IMMP2L: variants seen among roughly 807,000 people sequenced by gnomAD.
IMMP2L encodes the protein inner mitochondrial membrane peptidase subunit 2, also known as mitochondrial inner membrane protease subunit 2.
A neutral mutation model predicts 19.3 loss-of-function variants in IMMP2L; 18 were observed. The ratio of observed to expected loss-of-function variants is 0.93; its 90% confidence interval spans 0.64 to 1.38. The LOEUF is 1.38. Ranked by LOEUF, IMMP2L falls within the 40% of genes most tolerant of loss-of-function variation. IMMP2L has a pLI of 0.00. For missense variants in IMMP2L, 233 were observed against 218.2 expected (o/e 1.07, Z -0.43); for synonymous variants, 76 against 73.0 (o/e 1.04, Z -0.21).
chr7:110,817,461 G>C (rs1380207369), intron 5 of IMMP2L, among the ~76,000 whole-genome samples: 2 of 152,086 alleles, frequency 1.3e-5, no homozygotes, highest in Non-Finnish European at 2.9e-5. Flanking sequence ...TGAAATAAAA[G>C]AGGATACAAA....
At chr7:111,164,951 T>C (rs184834306) in intron 3 of IMMP2L, among the ~76,000 whole-genome samples, 51 of 152,194 alleles carry the variant, frequency 3.4e-4, no homozygotes, top group Admixed American at 3.1e-3. Context: ...TATATTTAAG[T>C]GTAGCATTCA....
At chr7:111,483,161 T>G (rs1006199512) in intron 3 of IMMP2L, among the ~76,000 whole-genome samples, 5 of 152,166 alleles carry the variant, frequency 3.3e-5, no homozygotes, top group Admixed American at 1.3e-4. Context: ...AGGGGATTTG[T>G]GGGAACTCTC....
chr7:111,509,486 G>A (rs1296536533), intron 2 of IMMP2L, among the ~76,000 whole-genome samples: 1 of 152,138 alleles, frequency 6.6e-6, no homozygotes, highest in Non-Finnish European at 1.5e-5. Context: ...TCTCACCCTT[G>A]TAAGCTTCCC....
chr7:111,038,516 TG>T (rs1428958160), intron 3 of IMMP2L, among the ~76,000 whole-genome samples: 2 of 152,170 alleles, frequency 1.3e-5, no homozygotes, highest in Non-Finnish European at 2.9e-5. Context: ...ACTATGATCC[TG>T]AACGGTATGC....
In IMMP2L at chr7:111,497,325, T is replaced by C. The variant is rs568645441; in HGVS notation, c.136-9984A>G. On this transcript the variant is annotated intron_variant, in intron 2 of 5. Coordinates refer to ENST00000405709, the MANE Select transcript of IMMP2L (RefSeq NM_032549.4). ...TTGGACATATGTGCAAAGGAACATA[T>C]ACAAAGATATTCATAATACATTATT... Among the ~76,000 whole-genome samples, 7 of 152,286 alleles carry C rather than the reference T, an allele frequency of 4.6e-5. No homozygotes were observed. The South Asian group carries it at 6.2e-4, about 14-fold the overall frequency.
At chr7:110,725,123 A>G (rs1056541405) in intron 5 of IMMP2L, among the ~76,000 whole-genome samples, 1 of 152,148 alleles carries the variant, frequency 6.6e-6, no homozygotes, top group Admixed American at 6.6e-5. Context: ...TGGGAACTAC[A>G]CTGATTATGC....
chr7:111,320,708 G>A (rs1262282495), intron 3 of IMMP2L, among the ~76,000 whole-genome samples: 1 of 151,972 alleles, frequency 6.6e-6, no homozygotes, highest in Non-Finnish European at 1.5e-5. Flanking sequence ...TCCTCATCCA[G>A]AACACTAAAG....
intron 3 of IMMP2L, among the ~76,000 whole-genome samples, chr7:111,236,213 A>C (rs568271494): frequency 6.6e-6 from 1 of 152,136 alleles, no homozygotes; most frequent in Non-Finnish European, 1.5e-5. Context: ...TTGCATTAAA[A>C]GTAATATTTT....
chr7:110,718,633 T>C (rs369478181), intron 5 of IMMP2L, among the ~76,000 whole-genome samples: 5 of 151,992 alleles, frequency 3.3e-5, no homozygotes, highest in African/African-American at 1.2e-4. Flanking sequence ...ATCGTTTAAG[T>C]TGGTGGAGAT....
chr7:110,700,561 C>T lies in IMMP2L; in HGVS notation c.409-36840G>A, dbSNP rs549588209. On this transcript the variant is annotated intron_variant, in intron 5 of 5. Coordinates refer to ENST00000405709, the MANE Select transcript of IMMP2L (RefSeq NM_032549.4). ...AGCCAGGTCTCCTGGTCAATAACCT[C>T]CTGCCAGCCTAGATTCCCCAAAATA... 2.0e-5 allele frequency among the ~76,000 whole-genome samples: 3 copies of T among 152,326 alleles called. No homozygotes were observed. In the South Asian group the frequency reaches 6.2e-4, roughly 32 times the overall value.
intron 3 of IMMP2L, among the ~76,000 whole-genome samples, chr7:111,275,662 T>C (rs1562996153): frequency 1.3e-5 from 2 of 152,210 alleles, no homozygotes; most frequent in Admixed American, 6.5e-5. Context: ...ATGATAATGA[T>C]TCTTCCAATC....
At chr7:111,162,924 C>T (rs535590518) in intron 3 of IMMP2L, among the ~76,000 whole-genome samples, 3 of 152,186 alleles carry the variant, frequency 2.0e-5, no homozygotes, top group South Asian at 4.2e-4. Context: ...ATGACCCCAT[C>T]CCACCTTAGA....
intron 3 of IMMP2L, among the ~76,000 whole-genome samples, chr7:111,168,084 C>T (rs1806030461): frequency 6.6e-6 from 1 of 151,810 alleles, no homozygotes; most frequent in Admixed American, 6.6e-5. Context: ...TCATTAAGGT[C>T]TATAGAACAC....
intron 5 of IMMP2L, among the ~76,000 whole-genome samples, chr7:110,697,839 A>T (rs1291418438): frequency 5.9e-5 from 9 of 152,188 alleles, no homozygotes; most frequent in African/African-American, 9.7e-5. Flanking sequence ...TTATCTCAAA[A>T]GAATAAGCTA....
chr7:110,761,952 A>C (rs2130971975), intron 5 of IMMP2L, among the ~76,000 whole-genome samples: 1 of 152,262 alleles, frequency 6.6e-6, no homozygotes, highest in Non-Finnish European at 1.5e-5. Flanking sequence ...CCTGGTCAAC[A>C]CGGGGTCCGT....
intron 3 of IMMP2L, among the ~76,000 whole-genome samples, chr7:110,984,166 T>A (rs1821607956): frequency 6.6e-6 from 1 of 151,980 alleles, no homozygotes; most frequent in African/African-American, 2.4e-5. Context: ...TGGTCCCATA[T>A]ACTCTGACAC....
At chr7:110,960,603 G>A (rs1269212106) in intron 4 of IMMP2L, among the ~76,000 whole-genome samples, 2 of 151,662 alleles carry the variant, frequency 1.3e-5, no homozygotes. Flanking sequence ...TATATCAAAT[G>A]GCTTTCTAAA....
chr7:111,550,825 T>C (rs183082193), intron 1 of IMMP2L, among the ~76,000 whole-genome samples: 23 of 152,180 alleles, frequency 1.5e-4, no homozygotes, highest in Non-Finnish European at 2.4e-4. Context: ...CTAATGGTCA[T>C]CAGTATACTG....
At chr7:110,788,062 T>A (rs376400493) in intron 5 of IMMP2L, among the ~76,000 whole-genome samples, 1 of 151,896 alleles carries the variant, frequency 6.6e-6, no homozygotes, top group African/African-American at 2.4e-5. Context: ...ACTTTCTACT[T>A]TTTTTCCCCA....
Sources: allele counts gnomAD v4.1 joint callset (sites outside exome capture counted in the v4.1 genomes callset), GRCh38; gene constraint gnomAD v4.1.1; transcripts MANE v1.5; gene names NCBI Gene and HGNC (gene_info 2026-07-23, HGNC 2026-07-21).